ZFYVE28: variants seen among roughly 807,000 people sequenced by gnomAD.
ZFYVE28 encodes zinc finger FYVE-type containing 28, also known as lateral signaling target protein 2 homolog.
Under a neutral mutation model 82.1 loss-of-function variants are expected in ZFYVE28, and 40 were observed. The observed-to-expected ratio is 0.49, with a 90% CI of 0.38 to 0.63. ZFYVE28 has a LOEUF of 0.63. Ranked by LOEUF, ZFYVE28 falls within the 30% of genes least tolerant of loss-of-function variation. The probability of loss-of-function intolerance (pLI) is 0.00; values close to 1 mark genes in which losing one functional copy is unlikely to be tolerated. For missense variants in ZFYVE28, 1,321 were observed against 1,242.1 expected (o/e 1.06, Z -0.96); for synonymous variants, 612 against 546.1 (o/e 1.12, Z -1.68).
At chr4:2,330,870 G>A in intron 6 of ZFYVE28, 1 of 1,535,346 alleles carries the variant, frequency 6.5e-7, no homozygotes, top group Non-Finnish European at 8.7e-7. Flanking sequence ...ACTGGTGTGG[G>A]CACGGTGCAG....
intron 1 of ZFYVE28, among the ~76,000 whole-genome samples, chr4:2,359,979 G>T (rs951376768): frequency 1.3e-5 from 2 of 152,198 alleles, no homozygotes; most frequent in African/African-American, 4.8e-5. Context: ...CTCGGGCCCT[G>T]GACCTGAGCC....
intron 1 of ZFYVE28, among the ~76,000 whole-genome samples, chr4:2,404,302 T>C (rs1578404899): frequency 9.8e-5 from 2 of 20,504 alleles, no homozygotes; most frequent in African/African-American, 1.6e-4. Flanking sequence ...GGAGCGAGAC[T>C]CCGCCTCAAA....
chr4:2,337,261 G>A, intron 5 of ZFYVE28, 146 bp downstream of exon 5: 1 of 627,928 alleles, frequency 1.6e-6, no homozygotes, highest in Non-Finnish European at 2.7e-6. Context: ...GCCGGATGTA[G>A]TGTGGGAAGA....
At chr4:2,380,865 C>A in intron 1 of ZFYVE28, among the ~76,000 whole-genome samples, 1 of 152,180 alleles carries the variant, frequency 6.6e-6, no homozygotes, top group African/African-American at 2.4e-5. Flanking sequence ...TCCAATTAAA[C>A]CTCTTTTTCA....
intron 9 of ZFYVE28, among the ~76,000 whole-genome samples, 177 bp downstream of exon 9, chr4:2,273,885 C>T (rs1001217571): frequency 6.6e-6 from 1 of 152,172 alleles, no homozygotes; most frequent in African/African-American, 2.4e-5. Flanking sequence ...CTCCTCCTGC[C>T]TGTGTGGGGT....
chr4:2,318,645 A>G (rs981425840), intron 7 of ZFYVE28, among the ~76,000 whole-genome samples: 3 of 152,202 alleles, frequency 2.0e-5, no homozygotes, highest in African/African-American at 7.2e-5. Flanking sequence ...TCGGGGCGGC[A>G]GGGCCAGCCT....
intron 6 of ZFYVE28, among the ~76,000 whole-genome samples, chr4:2,328,023 T>C (rs1379918703): frequency 6.6e-6 from 1 of 151,888 alleles, no homozygotes; most frequent in Non-Finnish European, 1.5e-5. Flanking sequence ...ACTACAAATA[T>C]AATTGCCATA....
At chr4:2,301,474 G>A (rs1715511926) in intron 8 of ZFYVE28, among the ~76,000 whole-genome samples, 2 of 151,926 alleles carry the variant, frequency 1.3e-5, no homozygotes, top group South Asian at 2.1e-4. Context: ...CCTGGAAGAT[G>A]ACACCACCAC....
chr4:2,319,069 C>T (rs10902764), intron 7 of ZFYVE28: 83,342 of 152,362 alleles, frequency 0.55, 23,352 homozygotes, highest in Non-Finnish European at 0.6. Flanking sequence ...AGCCCCACAC[C>T]GCCCAGGAGG....
chr4:2,280,323 C>A (rs1475437646), intron 8 of ZFYVE28, among the ~76,000 whole-genome samples: 1 of 152,030 alleles, frequency 6.6e-6, no homozygotes, highest in Non-Finnish European at 1.5e-5. Flanking sequence ...GTCTGGGCAA[C>A]ATGACAAGAC....
chr4:2,297,642 C>T (rs61789415), intron 8 of ZFYVE28, among the ~76,000 whole-genome samples: 1 of 152,268 alleles, frequency 6.6e-6, no homozygotes, highest in Admixed American at 6.5e-5. Flanking sequence ...CCAGGAACAG[C>T]TGCAAGCGCA....
At chr4:2,327,536 T>G (rs988446236) in intron 6 of ZFYVE28, among the ~76,000 whole-genome samples, 8 of 151,746 alleles carry the variant, frequency 5.3e-5, no homozygotes, top group South Asian at 2.1e-4. Context: ...TATATGGCCT[T>G]TATTGCGTTA....
chr4:2,376,934 T>A (rs6811708), intron 1 of ZFYVE28, among the ~76,000 whole-genome samples: 1,828 of 151,600 alleles, frequency 0.012, 39 homozygotes, highest in African/African-American at 0.042. Flanking sequence ...TCAAAAAAAA[T>A]AAATAAATAA....
At chr4:2,291,968 AG>A (rs888112422) in intron 8 of ZFYVE28, among the ~76,000 whole-genome samples, 3 of 152,158 alleles carry the variant, frequency 2.0e-5, no homozygotes, top group African/African-American at 7.2e-5. Context: ...TCAATGGGCC[AG>A]GCTCCAGCAC....
intron 5 of ZFYVE28, among the ~76,000 whole-genome samples, chr4:2,336,594 T>C (rs1387824531): frequency 6.6e-6 from 1 of 151,012 alleles, no homozygotes; most frequent in Non-Finnish European, 1.5e-5. Flanking sequence ...GAAACACTTG[T>C]TCAACAGACT....
At chr4:2,347,832 T>A (rs1438561897) in intron 2 of ZFYVE28, among the ~76,000 whole-genome samples, 1 of 152,142 alleles carries the variant, frequency 6.6e-6, no homozygotes, top group African/African-American at 2.4e-5. Context: ...GCATTCATTC[T>A]CTAACCTCAG....
chr4:2,309,819 T>C lies in ZFYVE28; in HGVS notation c.804-4283A>G, dbSNP rs148366672. Among the ~76,000 whole-genome samples the C allele has an allele frequency of 1.3e-3, 193 of 152,292 alleles. 2 individuals carry two copies. Among genetic ancestry groups the C allele is most frequent in the Admixed American group, 1.9e-3 (29 of 15,292 alleles). On this transcript the variant is annotated intron_variant, in intron 7 of 12. Transcript: ENST00000290974. ...TCTATCTGTGACCAGGTTAAGGAAA[T>C]TCCCTCCTATTCCTAGTTTGCTAAG...
chr4:2,340,807 G>C (rs1722669711), intron 3 of ZFYVE28, among the ~76,000 whole-genome samples: 1 of 152,128 alleles, frequency 6.6e-6, no homozygotes, highest in Non-Finnish European at 1.5e-5. Context: ...GGTGGGCAGG[G>C]TGGACACAGG....
At chr4:2,304,064 G>A (rs927925771) in intron 8 of ZFYVE28, among the ~76,000 whole-genome samples, 1 of 152,232 alleles carries the variant, frequency 6.6e-6, no homozygotes, top group Non-Finnish European at 1.5e-5. Context: ...GGGCCCGCTG[G>A]CGCACATTTT....
Sources: allele counts gnomAD v4.1 joint callset (sites outside exome capture counted in the v4.1 genomes callset), GRCh38; gene constraint gnomAD v4.1.1; transcripts MANE v1.5; gene names NCBI Gene and HGNC (gene_info 2026-07-23, HGNC 2026-07-21).